The following ANKRD36C variants were observed in gnomAD, a reference collection of about 807,000 sequenced individuals.
ANKRD36C encodes ankyrin repeat domain 36C.
ANKRD36C carries 61 observed loss-of-function variants against 276.4 expected under a neutral mutation model. The ratio of observed to expected loss-of-function variants is 0.22; its 90% confidence interval spans 0.18 to 0.27. The LOEUF (loss-of-function observed/expected upper bound fraction) is 0.27, where lower values mean the gene tolerates loss of function less well. ANKRD36C is among the 10% of genes least tolerant of loss of function. The pLI is 1.00. For synonymous variants in ANKRD36C, 483 were observed against 680.1 expected (o/e 0.71, Z 4.51); for missense variants, 1,447 against 2,032.3 (o/e 0.71, Z 5.54).
chr2:95,950,193 C>G (rs1678161635), intron 16 of ANKRD36C, among the ~76,000 whole-genome samples: 1 of 152,302 alleles, frequency 6.6e-6, no homozygotes, highest in Non-Finnish European at 1.5e-5. Context: ...CTGGCCTGGT[C>G]TTGCTTATGA....
At position 95,982,247 on chromosome 2, in the gene ANKRD36C, G is replaced by A. The variant is rs1265258358; in HGVS notation, c.593+9C>T. 9 of 1,534,476 alleles carry A rather than the reference G, an allele frequency of 5.9e-6. No homozygotes were observed. The highest frequency in any genetic ancestry group is 1.4e-5 in the African/African-American group (1 of 72,266). On this transcript the variant is annotated intron_variant, in intron 4 of 66. Coordinates refer to ENST00000456556, the Ensembl canonical transcript of ANKRD36C. ...TTAAAAACAACACAATAAGAACTAAGGTCTGTACCTGCCAAGATAATCAAC... is the reference window on the plus strand; with the variant it reads ...TTAAAAACAACACAATAAGAACTAAAGTCTGTACCTGCCAAGATAATCAAC...
intron 38 of ANKRD36C, among the ~76,000 whole-genome samples, chr2:95,915,709 A>C (rs1330281429): frequency 2.0e-5 from 3 of 151,436 alleles, no homozygotes; most frequent in Admixed American, 6.6e-5. Context: ...ATTAAAGCAA[A>C]ATTATGCTGT....
chr2:95,916,743 C>G (rs931254055), intron 36 of ANKRD36C, among the ~76,000 whole-genome samples: 1 of 151,670 alleles, frequency 6.6e-6, no homozygotes, highest in African/African-American at 2.4e-5. Flanking sequence ...TATTCATTAT[C>G]TCTCACACCC....
At chr2:95,937,756 G>A (rs1275908836) in intron 22 of ANKRD36C, among the ~76,000 whole-genome samples, 1 of 152,240 alleles carries the variant, frequency 6.6e-6, no homozygotes, top group African/African-American at 2.4e-5. Flanking sequence ...TGGCTCTAAG[G>A]GGTAATGAAT....
intron 32 of ANKRD36C, 42 bp downstream of exon 32, chr2:95,923,453 A>C (rs759837748): frequency 6.3e-7 from 1 of 1,599,598 alleles, no homozygotes; most frequent in East Asian, 2.3e-5. Context: ...GTTCTTTTCT[A>C]TCTGGACTGA....
At chr2:95,936,680 T>A (rs1053606661) in intron 22 of ANKRD36C, among the ~76,000 whole-genome samples, 3 of 151,988 alleles carry the variant, frequency 2.0e-5, no homozygotes, top group Middle Eastern at 6.8e-3. Context: ...ATTTACACCA[T>A]CCCACCCCAC....
rs760776144 is a variant in ANKRD36C at position 95,914,223 on chromosome 2, T to C, written c.2479-43A>G. The C allele has an allele frequency of 1.9e-5, 30 of 1,561,364 alleles. No individual in the cohort carries two copies. The African/African-American group carries it at 3.0e-4, about 16-fold the overall frequency. On this transcript the variant is annotated intron_variant, in intron 39 of 66. Transcript: ENST00000456556. ...TGAAATAATAAGTTAATAAAGTATG[T>C]TTCATAGACTATGCATTTACTAGGT...
At chr2:95,985,215 G>A (rs187082161) in intron 3 of ANKRD36C, among the ~76,000 whole-genome samples, 2 of 152,222 alleles carry the variant, frequency 1.3e-5, no homozygotes, top group African/African-American at 4.8e-5. Context: ...TTATTCTCAT[G>A]CTGATAGATA....
At chr2:95,957,944 G>GTC (rs1678369544) in intron 12 of ANKRD36C, among the ~76,000 whole-genome samples, 1 of 152,064 alleles carries the variant, frequency 6.6e-6, no homozygotes, top group Non-Finnish European at 1.5e-5. Context: ...GGTAACAGGT[G>GTC]ACTGTGGTTC....
intron 62 of ANKRD36C, among the ~76,000 whole-genome samples, chr2:95,856,943 C>T (rs973789701): frequency 1.3e-5 from 2 of 152,006 alleles, no homozygotes; most frequent in African/African-American, 4.8e-5. Context: ...CTATAAAGCT[C>T]TTCTTAGAAA....
At chr2:95,916,078 T>C in intron 37 of ANKRD36C, 26 bp from the exon 40 acceptor site, 1 of 1,599,068 alleles carries the variant, frequency 6.3e-7, no homozygotes, top group South Asian at 1.1e-5. Context: ...AACAAAATAA[T>C]AAATAAGGTA....
chr2:95,990,373 C>G (rs1254108080), intron 1 of ANKRD36C, among the ~76,000 whole-genome samples: 1 of 152,158 alleles, frequency 6.6e-6, no homozygotes, highest in Admixed American at 6.5e-5. Flanking sequence ...ACCGCAATTG[C>G]TTTTGCACCA....
chr2:95,851,639 T>C, intron 66 of ANKRD36C, 55 bp downstream of exon 86: 1 of 1,377,974 alleles, frequency 7.3e-7, no homozygotes, highest in Non-Finnish European at 1.0e-6. Context: ...TAACCCGTCC[T>C]ACTGGAAAAA....
At chr2:95,853,931 C>A in intron 63 of ANKRD36C, 70 bp from the exon 84 acceptor site, 1 of 1,526,306 alleles carries the variant, frequency 6.6e-7, no homozygotes. Context: ...TAATATTTAA[C>A]TCTAAAGCAT....
intron 6 of ANKRD36C, among the ~76,000 whole-genome samples, chr2:95,964,727 A>C (rs199768282): frequency 4.6e-5 from 7 of 151,948 alleles, no homozygotes; most frequent in African/African-American, 1.2e-4. Flanking sequence ...ATGCTTTCAC[A>C]TCATATTATG....
intron 6 of ANKRD36C, among the ~76,000 whole-genome samples, chr2:95,963,982 T>TATAA (rs1678525001): frequency 2.1e-4 from 3 of 14,214 alleles, no homozygotes; most frequent in South Asian, 2.3e-3. Flanking sequence ...AATATATATA[T>TATAA]ATATATATAT....
exon 62 of ANKRD36C, chr2:95,857,353 A>G (rs1573719385): frequency 6.2e-7 from 1 of 1,606,170 alleles, no homozygotes. Context: ...ACCTCTGCTG[A>G]TTTGAGAGCC....
intron 22 of ANKRD36C, 145 bp downstream of exon 22, chr2:95,938,684 A>G (rs1677786390): frequency 1.7e-6 from 2 of 1,188,134 alleles, no homozygotes; most frequent in Non-Finnish European, 2.3e-6. Context: ...TCATTTTATA[A>G]ACAAAGATAT....
intron 44 of ANKRD36C, chr2:95,894,327 T>G (rs1676469032): frequency 6.5e-6 from 1 of 153,392 alleles, no homozygotes; most frequent in African/African-American, 2.4e-5. Flanking sequence ...AAAAATTTGC[T>G]TAAGTTTCTT....
Sources: gnomAD v4.1 joint callset for allele counts (sites outside exome capture counted in the v4.1 genomes callset) on GRCh38, gnomAD v4.1.1 for gene constraint, MANE v1.5 for transcripts, NCBI Gene and HGNC (gene_info 2026-07-23, HGNC 2026-07-21) for gene names.